Variants in SSC4D observed in about 807,000 individuals in gnomAD.
SSC4D encodes scavenger receptor cysteine rich family member with 4 domains, also known as scavenger receptor cysteine-rich domain-containing group B protein.
In SSC4D, 57 loss-of-function variants were observed where a neutral mutation model predicts 63.4. That is an observed-to-expected ratio of 0.90 (90% CI 0.73 to 1.12). The LOEUF (loss-of-function observed/expected upper bound fraction) is 1.12. Ranked by LOEUF, SSC4D falls within the 50% of genes most tolerant of loss-of-function variation. The pLI, the probability that SSC4D is intolerant of heterozygous loss-of-function variation, is 0.00. For missense variants in SSC4D, 791 were observed against 806.4 expected (o/e 0.98, Z 0.23); for synonymous variants, 352 against 345.4 (o/e 1.02, Z -0.21).
intron 2 of SSC4D, among the ~76,000 whole-genome samples, chr7:76,401,736 C>T (rs1442504243): frequency 6.6e-6 from 1 of 152,112 alleles, no homozygotes; most frequent in Non-Finnish European, 1.5e-5. Context: ...TTTCAATTCC[C>T]AGCTTGGAGC....
Position 76,397,821 on chromosome 7 carries a change from C to A in SSC4D, c.565G>T (p.Val189Leu), listed in dbSNP as rs1455559504. 1.3e-6 allele frequency: 2 copies of A among 1,580,172 alleles called. No individual in the cohort carries two copies. Among genetic ancestry groups the A allele is most frequent in the African/African-American group, 1.3e-5 (1 of 74,224 alleles). Residue 189 changes from valine to leucine, a missense_variant, in exon 6 of 11, where the codon GTA (valine) becomes TTA (leucine). Physicochemically the swap from Val to Leu is conservative, Grantham distance 32. Transcript: ENST00000275560. The part of the protein sequence containing the change: ...TLPNGKSEGS[V>L]RLVGGANLCQ... ...AGGTTCGCGCCCCCTACCAGGCGTA[C>A]GCTGCCCTCACCTGGGGATGGGGGC...
chr7:76,393,570 C>T lies in SSC4D; in HGVS notation c.1168G>A (p.Ala390Thr), dbSNP rs1804552713. 6.6e-7 allele frequency: 1 copy of T among 1,514,428 alleles called. No homozygotes were observed. Among genetic ancestry groups the T allele is most frequent in the Non-Finnish European group, 8.8e-7 (1 of 1,137,956 alleles). 93.8% of individuals were successfully genotyped at this position (1,514,428 alleles called of 1,614,324 possible). Reference sequence around the variant, plus strand: ...TGGCCCAGTCCCGTAGCGCCCAGCGCAGGCCCGCAGCCCGCTTCGCGGCAG... The same window carrying T: ...TGGCCCAGTCCCGTAGCGCCCAGCGTAGGCCCGCAGCCCGCTTCGCGGCAG... ...VACREAGCGP[A>T]LGATGLGHFG... Residue 390 changes from alanine to threonine, a missense_variant, in exon 9 of 11, where the codon GCG (alanine) becomes ACG (threonine). Transcript: ENST00000275560.
chr7:76,405,382 A>T (rs1228644721), intron 1 of SSC4D, among the ~76,000 whole-genome samples: 1 of 93,014 alleles, frequency 1.1e-5, no homozygotes, highest in Non-Finnish European at 2.0e-5. Context: ...GTGTTTCACC[A>T]TATTGGCCAG....
At chr7:76,403,254 G>A (rs1804886463) in intron 2 of SSC4D, among the ~76,000 whole-genome samples, 2 of 152,108 alleles carry the variant, frequency 1.3e-5, no homozygotes, top group Admixed American at 6.6e-5. Flanking sequence ...CTTGTGGTCC[G>A]AGTATGACAG....
chr7:76,392,081 A>T (rs1202271510), intron 9 of SSC4D, 40 bp from the exon 10 acceptor site: 1 of 1,547,292 alleles, frequency 6.5e-7, no homozygotes, highest in Admixed American at 2.0e-5. Context: ...TGGCTCTCAC[A>T]ATGGGAAGCA....
intron 2 of SSC4D, among the ~76,000 whole-genome samples, chr7:76,402,563 C>T (rs1025278032): frequency 9.2e-5 from 14 of 152,192 alleles, no homozygotes; most frequent in Non-Finnish European, 1.5e-4. Context: ...AAGTGATCCT[C>T]CCGTCTCAGC....
chr7:76,406,389 T>C (rs958504275), intron 1 of SSC4D, among the ~76,000 whole-genome samples: 1 of 152,234 alleles, frequency 6.6e-6, no homozygotes, highest in African/African-American at 2.4e-5. Flanking sequence ...AATTGTACAA[T>C]GCCTTCTAAA....
At chr7:76,397,070 C>A (rs1195353738) in intron 6 of SSC4D, among the ~76,000 whole-genome samples, 1 of 152,048 alleles carries the variant, frequency 6.6e-6, no homozygotes, top group Admixed American at 6.6e-5. Flanking sequence ...ATTGGTGAAG[C>A]AATAGTACAG....
At chr7:76,406,979 G>T (rs1358884151) in intron 1 of SSC4D, among the ~76,000 whole-genome samples, 1 of 147,424 alleles carries the variant, frequency 6.8e-6, no homozygotes, top group Non-Finnish European at 1.5e-5. Context: ...TTTATTTTTG[G>T]AGACAGAGCC....
intron 3 of SSC4D, 51 bp downstream of exon 3, chr7:76,400,957 G>T: frequency 6.5e-7 from 1 of 1,550,026 alleles, no homozygotes; most frequent in Non-Finnish European, 8.7e-7. Flanking sequence ...TCTGAGGCTG[G>T]AGTACCTGGC....
chr7:76,400,691 A>G (rs899195217), intron 3 of SSC4D, 100 bp from the exon 4 acceptor site: 35 of 1,282,168 alleles, frequency 2.7e-5, no homozygotes, highest in Non-Finnish European at 3.5e-5. Flanking sequence ...TTTTTTTGGT[A>G]GAGACGGGGT....
intron 9 of SSC4D, 167 bp downstream of exon 9, chr7:76,393,238 G>A (rs912829277): frequency 1.5e-5 from 10 of 656,696 alleles, no homozygotes; most frequent in African/African-American, 1.9e-5. Context: ...TCGCCCCGCC[G>A]CGCAGCCGCA....
Position 76,404,402 on chromosome 7 carries a change from A to G in SSC4D, c.38T>C (p.Leu13Pro), listed in dbSNP as rs376199686. The G allele has an allele frequency of 6.2e-7, 1 of 1,614,080 alleles. No homozygotes were observed. Residue 13 changes from leucine to proline, a missense_variant, in exon 2 of 11, where the codon CTG becomes CCG. Physicochemically the swap from Leu to Pro is moderately conservative, Grantham distance 98 (BLOSUM62 -3). Transcript: ENST00000275560. ...CCTCCACCCCCAGCGCTTCTCATCC[A>G]GCTGGGGACCAATTAGCATCTCTGC... ...KEAEMLIGPQ[L>P]DEKRWGWRLG...
At chr7:76,391,621 C>T (rs1342731371) in intron 10 of SSC4D, among the ~76,000 whole-genome samples, 1 of 152,094 alleles carries the variant, frequency 6.6e-6, no homozygotes, top group Non-Finnish European at 1.5e-5. Context: ...GACTCTGTTA[C>T]ATCCTATTGT....
chr7:76,392,172 A>G (rs1335008689), intron 9 of SSC4D, 131 bp from the exon 10 acceptor site: 3 of 821,620 alleles, frequency 3.7e-6, no homozygotes, highest in Non-Finnish European at 5.6e-6. Context: ...AGGTTCCTGA[A>G]GAACTGCTCC....
At position 76,409,692 on chromosome 7, in the gene SSC4D, A is replaced by G. The variant is rs1371916665; in HGVS notation, c.-345T>C. ...CCGGCACCAGCTGGAGCGGCCCCAGAAAAAGGGCACCCAGGTGGAGGCGGA... is the reference window on the plus strand; with the variant it reads ...CCGGCACCAGCTGGAGCGGCCCCAGGAAAAGGGCACCCAGGTGGAGGCGGA... On this transcript the variant is annotated 5_prime_UTR_variant, in exon 1 of 11. Transcript: ENST00000275560. 1 of 152,474 alleles carries G rather than the reference A, an allele frequency of 6.6e-6. No individual in the cohort carries two copies. Among genetic ancestry groups the G allele is most frequent in the African/African-American group, 2.4e-5 (1 of 41,470 alleles). 9.4% of individuals were successfully genotyped at this position (152,474 alleles called of 1,614,324 possible).
chr7:76,401,828 A>G (rs74359669), intron 2 of SSC4D, among the ~76,000 whole-genome samples: 27,725 of 152,082 alleles, frequency 0.18, 2,767 homozygotes, highest in South Asian at 0.25. Context: ...CCACATACCC[A>G]GGCCTCTTTC....
Position 76,390,227 on chromosome 7 carries a change from G to C in SSC4D, c.1560C>G (p.Leu520=), listed in dbSNP as rs777891328. The C allele has an allele frequency of 3.0e-5, 48 of 1,614,004 alleles. No homozygotes were observed. Among genetic ancestry groups the C allele is most frequent in the Non-Finnish European group, 3.9e-5 (46 of 1,180,010 alleles). The change falls in exon 11 of 11, where the codon CTC becomes CTG. Residue 520 remains leucine (L), a synonymous_variant. Coordinates refer to ENST00000275560, the MANE Select transcript of SSC4D (RefSeq NM_080744.2). ...CAAAGTGAGCCTCGCCAGGGGCTGC[G>C]AGGGCCTGGCCACAGCCCAGCTGGC... ...LCRQLGCGQA[L]AAPGEAHFGP... is the part of the protein sequence containing the mutation.
rs989900280 is a variant in SSC4D, at chr7:76,393,204, T to G, written c.1333+201A>C. 4.6e-5 allele frequency among the ~76,000 whole-genome samples: 7 copies of G among 151,954 alleles called. No homozygotes were observed. In the South Asian group the frequency reaches 1.2e-3, roughly 27 times the overall value. ...CACCAGGCCCCGCCCCATTTTCCAC[T>G]GCAGAAGGCTCTCCGTTCCGGCCTC... is the stretch of plus-strand genomic sequence containing the variant. On this transcript the variant is annotated intron_variant, in intron 9 of 10. Coordinates refer to ENST00000275560, the MANE Select transcript of SSC4D (RefSeq NM_080744.2).
Sources: allele counts gnomAD v4.1 joint callset (sites outside exome capture counted in the v4.1 genomes callset), GRCh38; gene constraint gnomAD v4.1.1; transcripts MANE v1.5; gene names NCBI Gene and HGNC (gene_info 2026-07-23, HGNC 2026-07-21).